Variants in ZMPSTE24 observed in about 807,000 individuals in gnomAD.
ZMPSTE24 encodes the protein CAAX prenyl protease 1 homolog.
ZMPSTE24 carries 48 observed loss-of-function variants against 56.7 expected under a neutral mutation model. That is an observed-to-expected ratio of 0.85 (90% CI 0.67 to 1.08). The LOEUF (loss-of-function observed/expected upper bound fraction) is 1.08. Among genes scored for constraint, ZMPSTE24 ranks in the 50% least tolerant of loss-of-function variants. The pLI, the probability that ZMPSTE24 is intolerant of heterozygous loss-of-function variation, is 0.00. For missense variants in ZMPSTE24, 503 were observed against 548.7 expected, an observed-to-expected ratio of 0.92 and a Z score of 0.83; for synonymous variants, 172 against 195.2, an observed-to-expected ratio of 0.88 and a Z score of 0.99.
At chr1:40,286,615 A>G (rs1266322331) in intron 8 of ZMPSTE24, among the ~76,000 whole-genome samples, 2 of 151,530 alleles carry the variant, frequency 1.3e-5, no homozygotes, top group Admixed American at 6.6e-5. Flanking sequence ...GACACAGGGT[A>G]TCACCATGTT....
In ZMPSTE24 at chr1:40,293,317, T is replaced by C. The variant is rs1643861663; in HGVS notation, c.*648T>C. ...ATTATGTATAGGATATTTTAAATCATTGAGTTTTGTGGGGTTTTTTTGTTT... is the reference window on the plus strand; with the variant it reads ...ATTATGTATAGGATATTTTAAATCACTGAGTTTTGTGGGGTTTTTTTGTTT... On this transcript the variant is annotated 3_prime_UTR_variant, in exon 10 of 10. Coordinates refer to ENST00000372759, the MANE Select transcript of ZMPSTE24 (RefSeq NM_005857.5). The C allele has an allele frequency of 6.6e-6, 1 of 152,236 alleles. No individual in the cohort carries two copies. Among genetic ancestry groups the C allele is most frequent in the African/African-American group, 2.4e-5 (1 of 41,464 alleles). 9.4% of individuals were successfully genotyped at this position (152,236 alleles called of 1,614,324 possible).
intron 6 of ZMPSTE24, among the ~76,000 whole-genome samples, chr1:40,273,456 G>A (rs1007377679): frequency 3.5e-5 from 5 of 140,898 alleles, no homozygotes; most frequent in African/African-American, 1.3e-4. Context: ...GGTGGAGGTT[G>A]TGGTGAGCCA....
chr1:40,261,690 T>C (rs1406256860), intron 2 of ZMPSTE24, among the ~76,000 whole-genome samples: 1 of 152,032 alleles, frequency 6.6e-6, no homozygotes, highest in African/African-American at 2.4e-5. Context: ...ATGTGGGGTT[T>C]TTTTGTTGCT....
chr1:40,278,634 GC>G (rs1643696907), intron 6 of ZMPSTE24, among the ~76,000 whole-genome samples: 1 of 150,156 alleles, frequency 6.7e-6, no homozygotes, highest in South Asian at 2.1e-4. Flanking sequence ...TAGATATTAG[GC>G]TCGCTTCATA....
In ZMPSTE24 at chr1:40,293,600, A is replaced by G. The variant is rs1569673664; in HGVS notation, c.*931A>G. 2 of 152,160 alleles carry G rather than the reference A, an allele frequency of 1.3e-5. No individual in the cohort carries two copies. The highest frequency in any genetic ancestry group is 2.1e-4 in the South Asian group (1 of 4,832). 9.4% of individuals were successfully genotyped at this position (152,160 alleles called of 1,614,324 possible). ...GATGAATCTCTGTGACATTACAGGG[A>G]AAAAAATATAGTTTTCTATCTCTTT... On this transcript the variant is annotated 3_prime_UTR_variant, in exon 10 of 10. Transcript: ENST00000372759.
In ZMPSTE24 at chr1:40,273,516, T is replaced by TCAAAAA. The variant is rs1208318399; in HGVS notation, c.769+1481_769+1482insCAAAAA. On this transcript the variant is annotated intron_variant, in intron 6 of 9. Transcript: ENST00000372759. ...TGGGCAACAAGAGCCAAATTCTGTC[T>TCAAAAA]AAAAAAAAAAAAAAAAAAAAAATAT... is the stretch of plus-strand genomic sequence containing the variant. 4.6e-3 allele frequency among the ~76,000 whole-genome samples: 49 copies of TCAAAAA among 10,582 alleles called. 14 individuals carry two copies. Among genetic ancestry groups the TCAAAAA allele is most frequent in the South Asian group, 9.7e-3 (2 of 206 alleles). 6.9% of individuals were successfully genotyped at this position (10,582 alleles called of 152,430 possible). A position where few individuals can be genotyped will look rare whatever the true frequency, so the allele number is the denominator to read the frequency against.
intron 5 of ZMPSTE24, among the ~76,000 whole-genome samples, chr1:40,271,042 G>A (rs1281459625): frequency 6.6e-6 from 1 of 152,184 alleles, no homozygotes; most frequent in Non-Finnish European, 1.5e-5. Flanking sequence ...CAGCTCTTCA[G>A]CTCCACTGAT....
At chr1:40,272,855 T>G (rs1228540827) in intron 6 of ZMPSTE24, among the ~76,000 whole-genome samples, 2 of 152,218 alleles carry the variant, frequency 1.3e-5, no homozygotes, top group Non-Finnish European at 2.9e-5. Flanking sequence ...TCAGTTGTAT[T>G]TCCTCTAAGC....
chr1:40,268,894 C>G (rs907923345), intron 4 of ZMPSTE24, among the ~76,000 whole-genome samples: 6 of 149,402 alleles, frequency 4.0e-5, no homozygotes, highest in African/African-American at 1.5e-4. Context: ...TGGCTAACAC[C>G]GTGAAACCCG....
At chr1:40,268,138 G>C (rs900366797) in intron 3 of ZMPSTE24, among the ~76,000 whole-genome samples, 2 of 152,178 alleles carry the variant, frequency 1.3e-5, no homozygotes, top group Non-Finnish European at 2.9e-5. Flanking sequence ...CTTCCATGTG[G>C]TAAGCCAAGA....
At chr1:40,292,391 T>C (rs1643852155) in intron 9 of ZMPSTE24, 54 bp from the exon 10 acceptor site, 1 of 1,553,998 alleles carries the variant, frequency 6.4e-7, no homozygotes, top group African/African-American at 1.4e-5. Context: ...ATGGAACCTT[T>C]AGTAACAACA....
At chr1:40,275,265 C>CAAAAAAAAAA (rs869166476) in intron 6 of ZMPSTE24, among the ~76,000 whole-genome samples, 76 of 38,228 alleles carry the variant, frequency 2.0e-3, no homozygotes, top group Non-Finnish European at 2.6e-3. Context: ...ACTAAAAATA[C>CAAAAAAAAAA]AAAAAAAAAA....
intron 7 of ZMPSTE24, 27 bp downstream of exon 7, chr1:40,281,554 T>G: frequency 6.2e-7 from 1 of 1,605,550 alleles, no homozygotes; most frequent in Non-Finnish European, 8.5e-7. Flanking sequence ...TAAGAGATTC[T>G]ACCTTAGTTT....
intron 6 of ZMPSTE24, among the ~76,000 whole-genome samples, chr1:40,277,997 C>T (rs1643687572): frequency 6.9e-6 from 1 of 145,798 alleles, no homozygotes; most frequent in Non-Finnish European, 1.5e-5. Context: ...AATTTAGGAT[C>T]AGGAAAGATA....
chr1:40,291,551 G>A (rs1393508305), intron 9 of ZMPSTE24, among the ~76,000 whole-genome samples: 1 of 152,174 alleles, frequency 6.6e-6, no homozygotes, highest in African/African-American at 2.4e-5. Context: ...AGGTTAATGT[G>A]AGACTATATA....
chr1:40,278,789 CAAA>C (rs1009318037), intron 6 of ZMPSTE24, among the ~76,000 whole-genome samples: 4 of 152,066 alleles, frequency 2.6e-5, no homozygotes, highest in Non-Finnish European at 4.4e-5. Flanking sequence ...ATTTAGAAAT[CAAA>C]GAAGTGCATA....
At chr1:40,290,827 T>G (rs1643835806) in intron 8 of ZMPSTE24, 27 bp from the exon 9 acceptor site, 1 of 1,611,866 alleles carries the variant, frequency 6.2e-7, no homozygotes, top group Admixed American at 1.7e-5. Context: ...TGGTAATAAC[T>G]TAGAAATTTC....
chr1:40,277,171 C>T (rs187411129), intron 6 of ZMPSTE24, among the ~76,000 whole-genome samples: 8 of 151,418 alleles, frequency 5.3e-5, no homozygotes, highest in East Asian at 1.9e-4. Flanking sequence ...CTTCAAGCTC[C>T]GCCTCCCGGG....
intron 6 of ZMPSTE24, among the ~76,000 whole-genome samples, chr1:40,280,919 T>G (rs772097795): frequency 3.3e-5 from 5 of 152,254 alleles, no homozygotes; most frequent in African/African-American, 4.8e-5. Context: ...CAATTACTTT[T>G]GCACCAACCT....
Sources: gnomAD v4.1 joint callset for allele counts (sites outside exome capture counted in the v4.1 genomes callset) on GRCh38, gnomAD v4.1.1 for gene constraint, MANE v1.5 for transcripts, NCBI Gene and HGNC (gene_info 2026-07-23, HGNC 2026-07-21) for gene names.